The following ENO3 variants were observed in gnomAD, a reference collection of about 807,000 sequenced individuals.
The protein encoded by ENO3 is beta-enolase.
In ENO3, 46 loss-of-function variants were observed where a neutral mutation model predicts 47.7. That is an observed-to-expected ratio of 0.96 (90% CI 0.76 to 1.23). The LOEUF (loss-of-function observed/expected upper bound fraction) is 1.23. Among genes scored for constraint, ENO3 ranks in the 50% most tolerant of loss-of-function variants. The pLI is 0.00. For missense variants in ENO3, 575 were observed against 566.2 expected (o/e 1.02, Z -0.16); for synonymous variants, 223 against 225.9 (o/e 0.99, Z 0.11).
At chr17:4,948,924 A>G (rs1418568554), upstream of ENO3, 1 of 152,306 alleles carries the variant, frequency 6.6e-6, no homozygotes, top group Non-Finnish European at 1.5e-5. Context: ...GTTAAACGGG[A>G]TGACTCCTCC....
intron 4 of ENO3, 76 bp downstream of exon 4, chr17:4,953,185 A>G: frequency 6.2e-7 from 1 of 1,613,072 alleles, no homozygotes; most frequent in Non-Finnish European, 8.5e-7. Context: ...CCTCTCCCGA[A>G]ACATTTTCCC....
intron 3 of ENO3, 30 bp downstream of exon 3, chr17:4,952,920 G>C: frequency 6.2e-7 from 1 of 1,611,032 alleles, no homozygotes. Flanking sequence ...GAAGGAGCCT[G>C]TGTGGGCGGC....
chr17:4,951,776 G>C (rs1259971851), intron 1 of ENO3, 52 bp from the exon 2 acceptor site: 1 of 1,578,208 alleles, frequency 6.3e-7, no homozygotes, highest in Non-Finnish European at 8.7e-7. Flanking sequence ...AGGGATTTCT[G>C]GTTCCTTAAG....
chr17:4,952,171 C>A, intron 2 of ENO3: 1 of 575,380 alleles, frequency 1.7e-6, no homozygotes, highest in Non-Finnish European at 3.2e-6. Context: ...CTGTGAGGTC[C>A]TTTTTTTTGT....
intron 6 of ENO3, 64 bp from the exon 7 acceptor site, chr17:4,955,011 G>GC: frequency 8.9e-7 from 1 of 1,120,230 alleles, no homozygotes; most frequent in South Asian, 1.3e-5. Context: ...AACACCCCCC[G>GC]CCCCTGTCCC....
chr17:4,956,358 A>G (rs1971733151), intron 9 of ENO3: 3 of 730,222 alleles, frequency 4.1e-6, no homozygotes, highest in Non-Finnish European at 2.3e-6. Flanking sequence ...CCCCCAGCCC[A>G]CACCATTCCT....
Position 4,955,474 on chromosome 17 carries a change from T to A in ENO3, c.735T>A (p.Asp245Glu). ...GYPDKVVIGMDVAASEFYRNG... is the reference protein window; with the variant it reads ...GYPDKVVIGMEVAASEFYRNG... ...CAGACAAGGTGGTGATCGGCATGGATGTGGCAGCATCTGAGTTCTATCGCA... is the reference window on the plus strand; with the variant it reads ...CAGACAAGGTGGTGATCGGCATGGAAGTGGCAGCATCTGAGTTCTATCGCA... The change falls in exon 8 of 12, where the codon GAT (aspartate) becomes GAA (glutamate). Residue 245 changes from aspartate to glutamate, a missense_variant. Physicochemically the swap from Asp to Glu is conservative, Grantham distance 45. Coordinates refer to ENST00000519602, the MANE Select transcript of ENO3 (RefSeq NM_053013.4). The A allele has an allele frequency of 1.9e-6, 3 of 1,614,212 alleles. No individual in the cohort carries two copies. The highest frequency in any genetic ancestry group is 2.5e-6 in the Non-Finnish European group (3 of 1,180,022).
intron 10 of ENO3, 45 bp downstream of exon 10, chr17:4,956,726 G>C: frequency 6.2e-7 from 1 of 1,613,954 alleles, no homozygotes; most frequent in Non-Finnish European, 8.5e-7. Context: ...AAGTTTTCTT[G>C]GGGTCCCTGG....
intron 8 of ENO3, 145 bp downstream of exon 8, chr17:4,955,749 G>C: frequency 7.3e-7 from 1 of 1,363,210 alleles, no homozygotes; most frequent in Non-Finnish European, 1.0e-6. Flanking sequence ...CTTCTGCCCT[G>C]TCACCCCTCC....
intron 6 of ENO3, 86 bp from the exon 7 acceptor site, chr17:4,954,988 AG>A (rs1971671541): frequency 7.9e-7 from 1 of 1,264,294 alleles, no homozygotes; most frequent in African/African-American, 1.5e-5. Flanking sequence ...TAGGGAAGCC[AG>A]GTTTCCACCC....
At chr17:4,950,023 G>C (rs1446167615), upstream of ENO3, among the ~76,000 whole-genome samples, 2 of 151,874 alleles carry the variant, frequency 1.3e-5, no homozygotes, top group Non-Finnish European at 2.9e-5. Flanking sequence ...GACGGGTGGC[G>C]GGGCAGGTGG....
upstream of ENO3, chr17:4,948,874 TGCAAATTTA>T (rs1228129792): frequency 1.9e-5 from 3 of 154,302 alleles, no homozygotes; most frequent in Non-Finnish European, 4.3e-5. Flanking sequence ...ATTAGCAAGC[TGCAAATTTA>T]GCAAATTAAG....
chr17:4,951,879 A>G lies in ENO3; in HGVS notation c.50A>G (p.Asn17Ser), dbSNP rs771472162. 6.2e-7 allele frequency: 1 copy of G among 1,613,936 alleles called. No homozygotes were observed. Among genetic ancestry groups the G allele is most frequent in the East Asian group, 2.2e-5 (1 of 44,868 alleles). The stretch of plus-strand genomic sequence containing the variant: ...CGGGAAATCTTGGACTCCAGGGGCA[A>G]CCCCACGGTGGAGGTGGACCTGCAC... ...FAREILDSRG[N>S]PTVEVDLHTA... Residue 17 changes from asparagine (N) to serine (S), a missense_variant, in exon 2 of 12, where the codon AAC (asparagine) becomes AGC (serine). Physicochemically the swap from Asn to Ser is conservative, Grantham distance 46 (BLOSUM62 1). Transcript: ENST00000519602.
rs369366731 is a variant in ENO3 at position 4,955,453 on chromosome 17, C to T, written c.714C>T (p.Asp238=). The T allele has an allele frequency of 1.4e-5, 23 of 1,614,122 alleles. No homozygotes were observed. The highest frequency in any genetic ancestry group is 1.2e-4 in the African/African-American group (9 of 74,932). ...CCATCCAGGCGGCTGGTTACCCAGACAAGGTGGTGATCGGCATGGATGTGG... is the reference window on the plus strand; with the variant it reads ...CCATCCAGGCGGCTGGTTACCCAGATAAGGTGGTGATCGGCATGGATGTGG... ...KTAIQAAGYP[D]KVVIGMDVAA... Residue 238 remains aspartate (D), a synonymous_variant, in exon 8 of 12, where the codon GAC becomes GAT. Coordinates refer to ENST00000519602, the MANE Select transcript of ENO3 (RefSeq NM_053013.4).
chr17:4,952,524 G>T (rs904644779), intron 2 of ENO3, among the ~76,000 whole-genome samples: 2 of 152,122 alleles, frequency 1.3e-5, no homozygotes, highest in Non-Finnish European at 1.5e-5. Context: ...GGGGTTTCAC[G>T]GTGTCAGCCA....
chr17:4,956,539 C>T, intron 9 of ENO3, 34 bp from the exon 10 acceptor site: 1 of 1,610,264 alleles, frequency 6.2e-7, no homozygotes, highest in East Asian at 2.2e-5. Context: ...TGAGGAGGTT[C>T]TAGAAGGCCA....
Position 4,951,143 on chromosome 17 carries a change from ACTCGGAG to A in ENO3, c.-38_-32del, listed in dbSNP as rs1971528773. 1 of 988,634 alleles carries A rather than the reference ACTCGGAG, an allele frequency of 1.0e-6. No individual in the cohort carries two copies. The highest frequency in any genetic ancestry group is 1.2e-6 in the Non-Finnish European group (1 of 832,086). The allele number at this position is 988,634 out of a possible 1,614,324, so 61.2% of individuals were successfully genotyped here. A position where few individuals can be genotyped will look rare whatever the true frequency, so the allele number is the denominator to read the frequency against. On this transcript the variant is annotated 5_prime_UTR_variant, in exon 1 of 12. Coordinates refer to ENST00000519602, the MANE Select transcript of ENO3 (RefSeq NM_053013.4). ...TGACACTGTCCCAGCTGCCACCTAGACTCGGAGCTCCATCCAAACCTCCAGCGAAGAC... is the reference window on the plus strand; with the variant it reads ...TGACACTGTCCCAGCTGCCACCTAGACTCCATCCAAACCTCCAGCGAAGAC...
Position 4,953,129 on chromosome 17 carries a change from CGCT to C in ENO3, c.240+23_240+25del. 1 of 1,614,156 alleles carries C rather than the reference CGCT, an allele frequency of 6.2e-7. No homozygotes were observed. Among genetic ancestry groups the C allele is most frequent in the Non-Finnish European group, 8.5e-7 (1 of 1,180,030 alleles). On this transcript the variant is annotated intron_variant, in intron 4 of 11. Transcript: ENST00000519602. ...CAAAAGGCAAGTGGGGAAGCCCGCTCGCTGCAGCCTCCTCCCCATGCCCCTGCT... is the reference window on the plus strand; with the variant it reads ...CAAAAGGCAAGTGGGGAAGCCCGCTCGCAGCCTCCTCCCCATGCCCCTGCT...
chr17:4,952,515 G>A (rs1971572325), intron 2 of ENO3, among the ~76,000 whole-genome samples: 1 of 152,084 alleles, frequency 6.6e-6, no homozygotes, highest in Non-Finnish European at 1.5e-5. Context: ...AGTAGAGATG[G>A]GGTTTCACGG....
Sources: allele counts gnomAD v4.1 joint callset (sites outside exome capture counted in the v4.1 genomes callset), GRCh38; gene constraint gnomAD v4.1.1; transcripts MANE v1.5; gene names NCBI Gene and HGNC (gene_info 2026-07-23, HGNC 2026-07-21).